The following LNX2 variants were observed in gnomAD, a reference collection of about 807,000 sequenced individuals.
The protein encoded by LNX2 is ligand of numb-protein X 2.
LNX2 carries 35 observed loss-of-function variants against 66.2 expected under a neutral mutation model. The observed-to-expected ratio is 0.53, with a 90% CI of 0.40 to 0.70. The LOEUF is 0.70. Among genes scored for constraint, LNX2 ranks in the 30% least tolerant of loss-of-function variants. The pLI, the probability that LNX2 is intolerant of heterozygous loss-of-function variation, is 0.00. For synonymous variants in LNX2, 337 were observed against 315.6 expected (o/e 1.07, Z -0.72); for missense variants, 791 against 850.8 (o/e 0.93, Z 0.87).
chr13:27,609,894 T>C (rs559511026), intron 1 of LNX2, among the ~76,000 whole-genome samples: 2 of 152,348 alleles, frequency 1.3e-5, no homozygotes, highest in South Asian at 4.1e-4. Flanking sequence ...ATAAATGTAC[T>C]ACATATACCG....
At chr13:27,595,371 A>G (rs1955585684) in intron 1 of LNX2, among the ~76,000 whole-genome samples, 1 of 152,224 alleles carries the variant, frequency 6.6e-6, no homozygotes, top group Admixed American at 6.5e-5. Context: ...CAGACTGAAC[A>G]GCCATTAGAA....
chr13:27,569,006 A>G (rs1183904382), intron 3 of LNX2, 23 bp downstream of exon 3: 11 of 1,585,872 alleles, frequency 6.9e-6, no homozygotes, highest in Non-Finnish European at 8.5e-6. Context: ...GATGAAATAC[A>G]CAAGGAGTTG....
At chr13:27,599,192 T>C (rs756401213) in intron 1 of LNX2, among the ~76,000 whole-genome samples, 1 of 152,184 alleles carries the variant, frequency 6.6e-6, no homozygotes, top group Non-Finnish European at 1.5e-5. Context: ...TTGGAAAACA[T>C]TCATTTATAT....
Position 27,547,315 on chromosome 13 carries a change from T to C in LNX2, c.*1020A>G, listed in dbSNP as rs1430915280. ...CTCTGGAAATAGATTTTTAATGCTT[T>C]TGGGCTGTTCAAGTAAGTGCAGCTT... is the stretch of plus-strand genomic sequence containing the variant. On this transcript the variant is annotated 3_prime_UTR_variant, in exon 10 of 10. Transcript: ENST00000316334. 1 of 152,194 alleles carries C rather than the reference T, an allele frequency of 6.6e-6. No homozygotes were observed. Among genetic ancestry groups the C allele is most frequent in the Non-Finnish European group, 1.5e-5 (1 of 68,014 alleles). 9.4% of individuals were successfully genotyped at this position (152,194 alleles called of 1,614,324 possible). A position where few individuals can be genotyped will look rare whatever the true frequency, so the allele number is the denominator to read the frequency against.
Position 27,550,322 on chromosome 13 carries a change from AC to A in LNX2, c.1937+10del. On this transcript the variant is annotated intron_variant, in intron 9 of 9. Coordinates refer to ENST00000316334, the MANE Select transcript of LNX2 (RefSeq NM_153371.4). ...AACATGAATCACATCATTAATTAGA[AC>A]AAGACTCACTTTAATCTTCCATCAT... 6.2e-7 allele frequency: 1 copy of A among 1,610,770 alleles called. No individual in the cohort carries two copies. Among genetic ancestry groups the A allele is most frequent in the East Asian group, 2.2e-5 (1 of 44,810 alleles).
chr13:27,583,091 A>T (rs895893756), intron 1 of LNX2, among the ~76,000 whole-genome samples: 1 of 152,056 alleles, frequency 6.6e-6, no homozygotes, highest in Non-Finnish European at 1.5e-5. Context: ...TCAATTAAAC[A>T]GATAAGATAT....
chr13:27,594,461 TGA>T (rs1955575474), intron 1 of LNX2, among the ~76,000 whole-genome samples: 1 of 152,188 alleles, frequency 6.6e-6, no homozygotes, highest in Non-Finnish European at 1.5e-5. Flanking sequence ...CTTTTCCCTT[TGA>T]GAGTTCTTCC....
intron 2 of LNX2, among the ~76,000 whole-genome samples, chr13:27,574,980 T>C (rs1955327159): frequency 6.6e-6 from 1 of 152,170 alleles, no homozygotes; most frequent in Non-Finnish European, 1.5e-5. Context: ...TCCAGCCGAC[T>C]TCAAAAATAA....
chr13:27,601,615 T>C lies in LNX2; in HGVS notation c.-101+18760A>G, dbSNP rs550771552. Among the ~76,000 whole-genome samples the C allele has an allele frequency of 7.9e-5, 12 of 152,294 alleles. No homozygotes were observed. The East Asian group carries it at 2.3e-3, about 29-fold the overall frequency. The stretch of plus-strand genomic sequence containing the variant: ...TGGAGCAAAGAGGAACAAAATAAAG[T>C]TTCTAAAATAATATATCATGCATGA... On this transcript the variant is annotated intron_variant, in intron 1 of 9. Coordinates refer to ENST00000316334, the MANE Select transcript of LNX2 (RefSeq NM_153371.4).
At chr13:27,572,569 C>A (rs976383117) in intron 2 of LNX2, among the ~76,000 whole-genome samples, 2 of 152,186 alleles carry the variant, frequency 1.3e-5, no homozygotes, top group Non-Finnish European at 2.9e-5. Context: ...GCAGCCAAGA[C>A]CCAAATAGGG....
At chr13:27,554,680 A>G (rs556503852) in intron 7 of LNX2, among the ~76,000 whole-genome samples, 2 of 152,326 alleles carry the variant, frequency 1.3e-5, no homozygotes, top group East Asian at 3.9e-4. Flanking sequence ...ATTGTGAATA[A>G]TGCTGCTATG....
chr13:27,555,888 C>T (rs1413716230), intron 7 of LNX2, among the ~76,000 whole-genome samples: 1 of 152,166 alleles, frequency 6.6e-6, no homozygotes, highest in African/African-American at 2.4e-5. Flanking sequence ...TCTGAGTCCC[C>T]TTCTACACAG....
At chr13:27,609,761 T>C (rs1955754799) in intron 1 of LNX2, among the ~76,000 whole-genome samples, 1 of 152,202 alleles carries the variant, frequency 6.6e-6, no homozygotes, top group Admixed American at 6.5e-5. Flanking sequence ...TAAAAGTTTT[T>C]AATCCTTTCA....
intron 1 of LNX2, among the ~76,000 whole-genome samples, chr13:27,590,213 G>A (rs1005005412): frequency 1.3e-5 from 2 of 151,804 alleles, no homozygotes; most frequent in Non-Finnish European, 2.9e-5. Context: ...CTGCATCTAT[G>A]GTTGGTTTTT....
At chr13:27,610,733 G>A (rs1955763392) in intron 1 of LNX2, among the ~76,000 whole-genome samples, 1 of 152,084 alleles carries the variant, frequency 6.6e-6, no homozygotes, top group African/African-American at 2.4e-5. Context: ...TATCTGATAA[G>A]AGGTTAATAT....
intron 1 of LNX2, among the ~76,000 whole-genome samples, chr13:27,587,043 C>G (rs572530812): frequency 6.6e-6 from 1 of 152,268 alleles, no homozygotes; most frequent in South Asian, 2.1e-4. Context: ...CAGTTCATTT[C>G]TCTCGATGTT....
intron 1 of LNX2, among the ~76,000 whole-genome samples, chr13:27,599,491 T>C (rs767661793): frequency 1.3e-5 from 2 of 152,176 alleles, no homozygotes; most frequent in Non-Finnish European, 2.9e-5. Flanking sequence ...CCTTATCTAC[T>C]AGCATCCTCA....
chr13:27,592,914 T>C (rs1203771457), intron 1 of LNX2, among the ~76,000 whole-genome samples: 1 of 152,180 alleles, frequency 6.6e-6, no homozygotes, highest in Non-Finnish European at 1.5e-5. Flanking sequence ...GTGACCTTGA[T>C]AGAGTTTTGG....
At chr13:27,612,199 A>G (rs1311193622) in intron 1 of LNX2, among the ~76,000 whole-genome samples, 1 of 152,222 alleles carries the variant, frequency 6.6e-6, no homozygotes, top group Non-Finnish European at 1.5e-5. Context: ...GTAATGATGA[A>G]GTTTTGGACT....
Sources: gnomAD v4.1 joint callset for allele counts (sites outside exome capture counted in the v4.1 genomes callset) on GRCh38, gnomAD v4.1.1 for gene constraint, MANE v1.5 for transcripts, NCBI Gene and HGNC (gene_info 2026-07-23, HGNC 2026-07-21) for gene names.